The following OARD1 variants were observed in gnomAD, a reference collection of about 807,000 sequenced individuals.
OARD1 encodes O-acyl-ADP-ribose deacylase 1.
In OARD1, 19 loss-of-function variants were observed where a neutral mutation model predicts 19.7. The observed-to-expected ratio is 0.96, with a 90% CI of 0.67 to 1.41. The LOEUF (loss-of-function observed/expected upper bound fraction) is 1.41, where lower values mean the gene tolerates loss of function less well. OARD1 is among the 40% of genes most tolerant of loss of function. The pLI is 0.00. For synonymous variants in OARD1, 70 were observed against 61.8 expected (o/e 1.13, Z -0.62); for missense variants, 190 against 183.8 (o/e 1.03, Z -0.20).
intron 1 of OARD1, among the ~76,000 whole-genome samples, chr6:41,093,755 G>A (rs1260978733): frequency 6.6e-6 from 1 of 152,232 alleles, no homozygotes; most frequent in Non-Finnish European, 1.5e-5. Context: ...ATAGGCGTGA[G>A]CCACCATACC....
At chr6:41,071,037 G>A (rs1426409310) in intron 3 of OARD1, 95 bp downstream of exon 3, 3 of 1,290,112 alleles carry the variant, frequency 2.3e-6, no homozygotes, top group Admixed American at 1.7e-5. Flanking sequence ...TTGGTTCTTA[G>A]GAATCCCCTC....
chr6:41,080,982 T>A, intron 1 of OARD1: 1 of 1,084,150 alleles, frequency 9.2e-7, no homozygotes, highest in Non-Finnish European at 1.4e-6. Context: ...GGATCTCCAG[T>A]AGGAATGGCA....
In OARD1 at chr6:41,068,829, G is replaced by A. The variant is rs765252865; in HGVS notation, c.356+12C>T. On this transcript the variant is annotated intron_variant, in intron 5 of 5. Transcript: ENST00000424266. ...CAATTAAATCTCCATTTAGGACCAT[G>A]GATTTCCTTGCCTGGGCATGGAGAG... The A allele has an allele frequency of 7.9e-6, 11 of 1,395,998 alleles. No homozygotes were observed. The Admixed American group carries it at 2.0e-4, about 26-fold the overall frequency. 86.5% of individuals were successfully genotyped at this position (1,395,998 alleles called of 1,614,324 possible). A position where few individuals can be genotyped will look rare whatever the true frequency, so the allele number is the denominator to read the frequency against.
chr6:41,081,455 A>C (rs1190053187), intron 1 of OARD1, among the ~76,000 whole-genome samples: 1 of 151,296 alleles, frequency 6.6e-6, no homozygotes, highest in East Asian at 1.9e-4. Flanking sequence ...GCGCCACTGC[A>C]CTCCAGCCTG....
intron 1 of OARD1, among the ~76,000 whole-genome samples, chr6:41,089,905 G>A (rs1412424946): frequency 6.6e-6 from 1 of 152,118 alleles, no homozygotes; most frequent in Non-Finnish European, 1.5e-5. Flanking sequence ...TGATCACAAG[G>A]TCAAGAGATC....
intron 1 of OARD1, among the ~76,000 whole-genome samples, chr6:41,094,866 T>C (rs774773741): frequency 4.3e-4 from 65 of 152,202 alleles, no homozygotes; most frequent in Non-Finnish European, 7.9e-4. Context: ...TTGTCACTTA[T>C]TACTATTCAT....
At chr6:41,082,665 G>C (rs942361657) in intron 1 of OARD1, among the ~76,000 whole-genome samples, 3 of 152,196 alleles carry the variant, frequency 2.0e-5, no homozygotes, top group Non-Finnish European at 2.9e-5. Context: ...CTAGGGATCT[G>C]ATTATTTTGG....
At chr6:41,091,500 G>T (rs1554134421) in intron 1 of OARD1, 4 of 1,607,992 alleles carry the variant, frequency 2.5e-6, no homozygotes, top group Middle Eastern at 1.7e-4. Context: ...CCTGTTTTTT[G>T]TTTGTTTTAT....
At position 41,066,101 on chromosome 6, in the gene OARD1, A is replaced by C. The variant is rs1018330349; in HGVS notation, c.*1234T>G. 1 of 152,194 alleles carries C rather than the reference A, an allele frequency of 6.6e-6. No individual in the cohort carries two copies. The highest frequency in any genetic ancestry group is 1.5e-5 in the Non-Finnish European group (1 of 68,050). The allele number at this position is 152,194 out of a possible 1,614,324, so 9.4% of individuals were successfully genotyped here. On this transcript the variant is annotated 3_prime_UTR_variant, in exon 6 of 6. Coordinates refer to ENST00000424266, the MANE Select transcript of OARD1 (RefSeq NM_001329686.2). ...AATCTTCTATGGAGGTTAAAAACACAAAAGTGGCCATCCCACTCCACCACC... is the reference window on the plus strand; with the variant it reads ...AATCTTCTATGGAGGTTAAAAACACCAAAGTGGCCATCCCACTCCACCACC...
intron 1 of OARD1, among the ~76,000 whole-genome samples, chr6:41,095,826 T>G (rs1420850570): frequency 6.6e-6 from 1 of 152,238 alleles, no homozygotes; most frequent in African/African-American, 2.4e-5. Context: ...GAGGATTGTT[T>G]CGTTCTCTGT....
chr6:41,082,346 A>G (rs956065884), intron 1 of OARD1, among the ~76,000 whole-genome samples: 3 of 152,224 alleles, frequency 2.0e-5, no homozygotes, highest in African/African-American at 7.2e-5. Flanking sequence ...TCTTACTCAT[A>G]TATAAAACAG....
chr6:41,080,973 G>A (rs1167369527), intron 1 of OARD1: 1 of 1,216,678 alleles, frequency 8.2e-7, no homozygotes, highest in African/African-American at 1.5e-5. Context: ...TTTGTGTTAG[G>A]ATCTCCAGTA....
intron 1 of OARD1, chr6:41,081,045 T>C: frequency 3.4e-6 from 2 of 585,084 alleles, no homozygotes; most frequent in Admixed American, 5.7e-5. Flanking sequence ...GCTTATAAGA[T>C]GCCAGTTTCC....
chr6:41,090,266 C>T lies in OARD1; in HGVS notation c.-42+7447G>A, dbSNP rs1381338524. On this transcript the variant is annotated intron_variant, in intron 1 of 4. Coordinates refer to the OARD1 transcript ENST00000480585. ...CACAGACTGCTGAAGGGCAGACCAT[C>T]GTCTATCAACCAGTTAATGCAGATG... The T allele has an allele frequency of 5.6e-6, 9 of 1,613,942 alleles. No homozygotes were observed. The East Asian group carries it at 1.6e-4, about 28-fold the overall frequency.
At chr6:41,079,194 C>T (rs1003690484) in intron 1 of OARD1, 5 of 1,598,892 alleles carry the variant, frequency 3.1e-6, no homozygotes, top group Non-Finnish European at 4.3e-6. Context: ...TTAAACATTA[C>T]AGCAATGAAA....
intron 1 of OARD1, among the ~76,000 whole-genome samples, chr6:41,086,050 T>G (rs780430946): frequency 1.3e-5 from 2 of 152,242 alleles, no homozygotes; most frequent in African/African-American, 4.8e-5. Flanking sequence ...GCTTTAAATA[T>G]CTTTTCAGCA....
Position 41,072,284 on chromosome 6 carries a change from G to A in OARD1, c.-90C>T, listed in dbSNP as rs1763486220. 1 of 152,446 alleles carries A rather than the reference G, an allele frequency of 6.6e-6. No homozygotes were observed. The highest frequency in any genetic ancestry group is 1.5e-5 in the Non-Finnish European group (1 of 68,200). 9.4% of individuals were successfully genotyped at this position (152,446 alleles called of 1,614,324 possible). A position where few individuals can be genotyped will look rare whatever the true frequency, so the allele number is the denominator to read the frequency against. On this transcript the variant is annotated 5_prime_UTR_variant, in exon 1 of 6. Coordinates refer to ENST00000424266, the MANE Select transcript of OARD1 (RefSeq NM_001329686.2). ...CAGTCTGTCCTGGGGTCCTATGGGAGGGTGCGGGGAGGCTCGCTCAAAGCC... is the reference window on the plus strand; with the variant it reads ...CAGTCTGTCCTGGGGTCCTATGGGAAGGTGCGGGGAGGCTCGCTCAAAGCC...
At chr6:41,091,744 C>A in intron 1 of OARD1, 1 of 1,590,082 alleles carries the variant, frequency 6.3e-7, no homozygotes, top group Non-Finnish European at 8.6e-7. Flanking sequence ...CTTGAACATG[C>A]AACTTGATGC....
chr6:41,090,328 T>C, intron 1 of OARD1: 1 of 1,583,514 alleles, frequency 6.3e-7, no homozygotes, highest in Non-Finnish European at 8.7e-7. Context: ...ACCCATAAGC[T>C]TCCCTAGGAC....
Sources: allele counts gnomAD v4.1 joint callset (sites outside exome capture counted in the v4.1 genomes callset), GRCh38; gene constraint gnomAD v4.1.1; transcripts MANE v1.5; gene names NCBI Gene and HGNC (gene_info 2026-07-23, HGNC 2026-07-21).